The following PCCA variants were observed in gnomAD, a reference collection of about 807,000 sequenced individuals.
PCCA encodes propionyl-CoA carboxylase alpha chain, mitochondrial.
PCCA carries 74 observed loss-of-function variants against 101.3 expected under a neutral mutation model. The ratio of observed to expected loss-of-function variants is 0.73; its 90% CI spans 0.61 to 0.89. The LOEUF (loss-of-function observed/expected upper bound fraction) is 0.89. PCCA is among the 40% of genes least tolerant of loss of function. The probability of loss-of-function intolerance (pLI) is 0.00; values close to 1 mark genes in which losing one functional copy is unlikely to be tolerated. For missense variants in PCCA, 891 were observed against 907.0 expected, an observed-to-expected ratio of 0.98 and a Z score of 0.23; for synonymous variants, 294 against 313.6, an observed-to-expected ratio of 0.94 and a Z score of 0.66.
chr13:100,166,519 G>T (rs557828605), intron 6 of PCCA, among the ~76,000 whole-genome samples: 2 of 152,184 alleles, frequency 1.3e-5, no homozygotes, highest in South Asian at 4.2e-4. Flanking sequence ...GGCTGGTTTC[G>T]AACTCCTGGC....
chr13:100,091,319 G>T (rs1018642289), intron 1 of PCCA, among the ~76,000 whole-genome samples: 4 of 152,190 alleles, frequency 2.6e-5, no homozygotes, highest in African/African-American at 9.7e-5. Flanking sequence ...CATACGCTTT[G>T]ATGATTCTTA....
intron 4 of PCCA, among the ~76,000 whole-genome samples, chr13:100,125,135 T>TTGTGTGTGTGTGTGTGTGTGTG (rs3034643): frequency 2.9e-4 from 44 of 149,228 alleles, no homozygotes; most frequent in African/African-American, 1.1e-3. Context: ...GACCTTTTAT[T>TTGTGTGTGTGTGTGTGTGTGTG]TGTGTGTGTG....
intron 21 of PCCA, among the ~76,000 whole-genome samples, chr13:100,467,308 A>G (rs1396021319): frequency 6.6e-6 from 1 of 152,210 alleles, no homozygotes; most frequent in East Asian, 1.9e-4. Context: ...TTAACGGGCC[A>G]GACAGCTGAG....
chr13:100,370,776 A>G (rs561763434), intron 19 of PCCA, among the ~76,000 whole-genome samples: 1 of 152,306 alleles, frequency 6.6e-6, no homozygotes, highest in South Asian at 2.1e-4. Context: ...AAATATTTCA[A>G]TAGTATGGCA....
chr13:100,197,974 A>C (rs2152458728), intron 6 of PCCA, among the ~76,000 whole-genome samples: 1 of 152,344 alleles, frequency 6.6e-6, no homozygotes, highest in South Asian at 2.1e-4. Flanking sequence ...GTTGGAAACC[A>C]AAACTATTTA....
At chr13:100,324,572 A>G (rs1181217057) in intron 16 of PCCA, among the ~76,000 whole-genome samples, 1 of 152,208 alleles carries the variant, frequency 6.6e-6, no homozygotes, top group African/African-American at 2.4e-5. Flanking sequence ...AATTTACACA[A>G]ATCTATTATA....
At chr13:100,326,923 A>T (rs2068756821) in intron 16 of PCCA, among the ~76,000 whole-genome samples, 1 of 152,160 alleles carries the variant, frequency 6.6e-6, no homozygotes, top group African/African-American at 2.4e-5. Flanking sequence ...TGTAGCATCA[A>T]AAGTTATATA....
intron 21 of PCCA, among the ~76,000 whole-genome samples, chr13:100,454,195 T>C (rs1459820508): frequency 6.6e-6 from 1 of 152,160 alleles, no homozygotes; most frequent in African/African-American, 2.4e-5. Flanking sequence ...GAATTTCATG[T>C]AGCTGACACT....
At chr13:100,302,896 C>T (rs749108102) in intron 13 of PCCA, 28 bp from the exon 14 acceptor site, 1 of 1,280,230 alleles carries the variant, frequency 7.8e-7, no homozygotes, top group South Asian at 1.2e-5. Flanking sequence ...ATTTCAAAGA[C>T]TGTGCTTCCT....
chr13:100,197,809 T>G (rs1434988027), intron 6 of PCCA, among the ~76,000 whole-genome samples: 1 of 152,166 alleles, frequency 6.6e-6, no homozygotes, highest in Non-Finnish European at 1.5e-5. Context: ...ACCTAAAAGC[T>G]GGGAGAAGGG....
intron 20 of PCCA, among the ~76,000 whole-genome samples, chr13:100,437,857 A>AG (rs1469184858): frequency 3.3e-5 from 5 of 151,954 alleles, no homozygotes; most frequent in African/African-American, 7.3e-5. Flanking sequence ...TTTAGTAGAG[A>AG]GGGGGTTTTA....
In PCCA at chr13:100,268,785, T is replaced by C. The variant is rs1483169439; in HGVS notation, c.914+2T>C. 1 of 1,603,240 alleles carries C rather than the reference T, an allele frequency of 6.2e-7. No homozygotes were observed. The highest frequency in any genetic ancestry group is 1.3e-5 in the African/African-American group (1 of 74,776). ...GAAGGTGGTGGAGGAAGCACCAAGG[T>C]AAGTCTCCTAAGAAACATTTATAAA... is the stretch of plus-strand genomic sequence containing the variant. On this transcript the variant is annotated splice_donor_variant, in intron 11 of 23. Transcript: ENST00000376285. LOFTEE classifies it high-confidence loss of function.
intron 6 of PCCA, among the ~76,000 whole-genome samples, chr13:100,174,754 AAG>A (rs1226498500): frequency 6.6e-6 from 1 of 151,376 alleles, no homozygotes; most frequent in African/African-American, 2.4e-5. Flanking sequence ...AAAAAAAAGA[AAG>A]AGAATTTAGC....
chr13:100,221,733 GTTTCCC>G (rs2059819992), intron 7 of PCCA, among the ~76,000 whole-genome samples: 1 of 142,740 alleles, frequency 7.0e-6, no homozygotes, highest in Non-Finnish European at 1.5e-5. Context: ...ATGTCCTTTT[GTTTCCC>G]TGGGAAATTT....
chr13:100,244,908 G>T (rs1271261523), intron 8 of PCCA, among the ~76,000 whole-genome samples: 1 of 148,654 alleles, frequency 6.7e-6, no homozygotes, highest in Non-Finnish European at 1.5e-5. Flanking sequence ...GTATATATGT[G>T]TATGACAGAC....
rs9557434 is a variant in PCCA, at chr13:100,430,822, A to C, written c.1845+5091A>C. Among the ~76,000 whole-genome samples, 642 of 152,230 alleles carry C rather than the reference A, an allele frequency of 4.2e-3. 31 individuals are homozygous for C. In the East Asian group the frequency reaches 0.095, roughly 22 times the overall value. On this transcript the variant is annotated intron_variant, in intron 20 of 23. Transcript: ENST00000376285. ...TTTCTCTGTGTGGCTGTACCAGCTT[A>C]TGTGCCCATCAGTAGTGAAGATGAT... is the stretch of plus-strand genomic sequence containing the variant.
At chr13:100,159,325 G>A (rs763293045) in intron 6 of PCCA, among the ~76,000 whole-genome samples, 3 of 151,858 alleles carry the variant, frequency 2.0e-5, no homozygotes, top group Admixed American at 6.6e-5. Flanking sequence ...TCCTGATGTC[G>A]TGATCCGCCC....
rs148564509 is a variant in PCCA at position 100,326,848 on chromosome 13, C to T, written c.1430-3713C>T. ...TATTTAATATATATAATATATAAAA[C>T]TTGTAATTGACTATGTTTTCAGCAA... On this transcript the variant is annotated intron_variant, in intron 16 of 23. Coordinates refer to ENST00000376285, the MANE Select transcript of PCCA (RefSeq NM_000282.4). 2.5e-3 allele frequency among the ~76,000 whole-genome samples: 373 copies of T among 152,150 alleles called. 4 individuals carry two copies. Among genetic ancestry groups the T allele is most frequent in the Admixed American group, 0.02 (301 of 15,274 alleles).
At chr13:100,262,238 T>C (rs1228469294) in intron 9 of PCCA, among the ~76,000 whole-genome samples, 6 of 151,640 alleles carry the variant, frequency 4.0e-5, no homozygotes, top group Admixed American at 4.0e-4. Flanking sequence ...ACCAAAAATA[T>C]AAAAATTAGC....
Sources: gnomAD v4.1 joint callset for allele counts (sites outside exome capture counted in the v4.1 genomes callset) on GRCh38, gnomAD v4.1.1 for gene constraint, MANE v1.5 for transcripts, NCBI Gene and HGNC (gene_info 2026-07-23, HGNC 2026-07-21) for gene names.